FBXO5: variants seen among roughly 807,000 people sequenced by gnomAD.
The protein encoded by FBXO5 is F-box protein 5, also known as F-box only protein 5.
In FBXO5, 8 loss-of-function variants were observed where a neutral mutation model predicts 43.3. That is an observed-to-expected ratio of 0.18 (90% CI 0.11 to 0.33). The LOEUF (loss-of-function observed/expected upper bound fraction) is 0.33, where lower values mean the gene tolerates loss of function less well. FBXO5 is among the 10% of genes least tolerant of loss of function. The pLI is 1.00. For missense variants in FBXO5, 491 were observed against 535.7 expected (o/e 0.92, Z 0.82); for synonymous variants, 204 against 193.7 (o/e 1.05, Z -0.44).
intron 2 of FBXO5, 91 bp from the exon 3 acceptor site, chr6:152,973,227 A>G: frequency 1.0e-6 from 1 of 981,480 alleles, no homozygotes; most frequent in Non-Finnish European, 1.6e-6. Flanking sequence ...GTGCAAAAAG[A>G]TATTTTATAT....
rs777587251 is a variant in FBXO5, at chr6:152,975,248, A to G, written c.477T>C (p.His159=). 1.2e-6 allele frequency: 2 copies of G among 1,613,996 alleles called. No individual in the cohort carries two copies. Among genetic ancestry groups the G allele is most frequent in the East Asian group, 2.2e-5 (1 of 44,888 alleles). ...TCTCCTCCAGGAGGCTACCTTCTTC[A>G]TGTTCACTGAGGCCACTTTGTAGAG... ...SFSLQSGLSE[H]EEGSLLEENF... Residue 159 remains histidine (H), a synonymous_variant, in exon 2 of 5, where the codon CAT becomes CAC. Transcript: ENST00000229758.
chr6:152,980,958 T>G (rs1778249966), intron 1 of FBXO5, among the ~76,000 whole-genome samples: 1 of 152,218 alleles, frequency 6.6e-6, no homozygotes. Flanking sequence ...CAATCTATTT[T>G]TAATCACATA....
chr6:152,971,217 T>G lies in FBXO5; in HGVS notation c.1290A>C (p.Lys430Asn). The change falls in exon 5 of 5, where the codon AAA (lysine) becomes AAC (asparagine). Residue 430 changes from lysine to asparagine, a missense_variant. Lys to Asn is a moderately conservative substitution (Grantham distance 94). Coordinates refer to ENST00000229758, the MANE Select transcript of FBXO5 (RefSeq NM_012177.5). ...TCTTTGTACCAGGCAGGGGACCTAT[T>G]TTACAACTGGCTTTGAGGAGCTTGC... ...SDGKLLKASC[K>N]IGPLPGTKKS... 6.2e-7 allele frequency: 1 copy of G among 1,613,896 alleles called. No homozygotes were observed. The highest frequency in any genetic ancestry group is 8.5e-7 in the Non-Finnish European group (1 of 1,179,902).
chr6:152,978,904 T>C (rs1778218297), intron 1 of FBXO5, among the ~76,000 whole-genome samples: 1 of 151,762 alleles, frequency 6.6e-6, no homozygotes, highest in African/African-American at 2.4e-5. Flanking sequence ...GGCGGGAGAA[T>C]TGCTTGAGCC....
At chr6:152,980,479 A>G (rs2207609) in intron 1 of FBXO5, among the ~76,000 whole-genome samples, 57,707 of 151,884 alleles carry the variant, frequency 0.38, 11,047 homozygotes, top group Admixed American at 0.4. Flanking sequence ...TAGTTGAAGA[A>G]GTAGAATGAT....
intron 1 of FBXO5, among the ~76,000 whole-genome samples, chr6:152,980,516 CA>C (rs1778244600): frequency 6.6e-6 from 1 of 151,994 alleles, no homozygotes; most frequent in Non-Finnish European, 1.5e-5. Flanking sequence ...TAGGCTGGGT[CA>C]AAAGTGGAGA....
At chr6:152,977,348 T>C (rs1778184661) in intron 1 of FBXO5, among the ~76,000 whole-genome samples, 1 of 152,226 alleles carries the variant, frequency 6.6e-6, no homozygotes, top group Non-Finnish European at 1.5e-5. Context: ...ATATTGGTAA[T>C]GCGTTCATAT....
Position 152,971,119 on chromosome 6 carries a change from TCTAA to T in FBXO5, c.*40_*43del. 1.3e-6 allele frequency: 2 copies of T among 1,534,972 alleles called. No individual in the cohort carries two copies. The highest frequency in any genetic ancestry group is 1.3e-5 in the South Asian group (1 of 79,142). ...TTTTTTAAGTTAAAACCTAACATTT[TCTAA>T]CTAACATTCATGATCAGTAACAATT... On this transcript the variant is annotated 3_prime_UTR_variant, in exon 5 of 5. Coordinates refer to ENST00000229758, the MANE Select transcript of FBXO5 (RefSeq NM_012177.5).
chr6:152,976,251 CTA>C (rs1251804188), intron 1 of FBXO5, among the ~76,000 whole-genome samples: 1 of 152,114 alleles, frequency 6.6e-6, no homozygotes, highest in Non-Finnish European at 1.5e-5. Flanking sequence ...CTTAAAATAA[CTA>C]TTCAAGAAAT....
chr6:152,972,542 G>A, intron 3 of FBXO5, 88 bp from the exon 4 acceptor site: 1 of 949,408 alleles, frequency 1.1e-6, no homozygotes, highest in Non-Finnish European at 1.5e-6. Flanking sequence ...TATAAGAAAT[G>A]ACAAACAAGA....
intron 1 of FBXO5, among the ~76,000 whole-genome samples, chr6:152,980,043 T>C (rs1431179935): frequency 6.6e-6 from 1 of 152,240 alleles, no homozygotes; most frequent in African/African-American, 2.4e-5. Flanking sequence ...TCATATTTTA[T>C]AAAAATGGAA....
At chr6:152,974,742 A>G (rs1370982187) in intron 2 of FBXO5, among the ~76,000 whole-genome samples, 165 bp downstream of exon 2, 5 of 152,216 alleles carry the variant, frequency 3.3e-5, no homozygotes, top group African/African-American at 9.6e-5. Context: ...GTATAATACA[A>G]ATATTCCAAA....
In FBXO5 at chr6:152,972,987, T is replaced by C. The variant is rs942757381; in HGVS notation, c.909+59A>G. 7.2e-5 allele frequency: 98 copies of C among 1,368,700 alleles called. No individual in the cohort carries two copies. In the Middle Eastern group the frequency reaches 2.6e-3, roughly 36 times the overall value. The allele number at this position is 1,368,700 out of a possible 1,614,324, so 84.8% of individuals were successfully genotyped here. ...TCCAGATTACCTCTTTTCTTTTCTATTTCTAGAAGAGCACTAACAGTGCAT... is the reference window on the plus strand; with the variant it reads ...TCCAGATTACCTCTTTTCTTTTCTACTTCTAGAAGAGCACTAACAGTGCAT... On this transcript the variant is annotated intron_variant, in intron 3 of 4. Coordinates refer to ENST00000229758, the MANE Select transcript of FBXO5 (RefSeq NM_012177.5).
intron 1 of FBXO5, 34 bp downstream of exon 1, chr6:152,982,823 G>A: frequency 7.0e-7 from 1 of 1,422,776 alleles, no homozygotes; most frequent in Non-Finnish European, 9.3e-7. Context: ...CTCCTGGCGT[G>A]CGCGCCCCCC....
chr6:152,983,093 A>T (rs1778292282), upstream of FBXO5: 1 of 495,984 alleles, frequency 2.0e-6, no homozygotes, highest in Non-Finnish European at 3.4e-6. Context: ...TTGGTGCCTA[A>T]ATCCGCGCGG....
At chr6:152,976,979 T>C (rs537223833) in intron 1 of FBXO5, among the ~76,000 whole-genome samples, 3 of 152,294 alleles carry the variant, frequency 2.0e-5, no homozygotes, top group African/African-American at 2.4e-5. Flanking sequence ...TGCCAAATAC[T>C]GGGCAGGGAA....
chr6:152,977,658 T>C (rs1460252453), intron 1 of FBXO5, among the ~76,000 whole-genome samples: 1 of 152,212 alleles, frequency 6.6e-6, no homozygotes, highest in East Asian at 1.9e-4. Flanking sequence ...ATTGCCTCTA[T>C]TTTTGCCTCA....
intron 3 of FBXO5, chr6:152,972,819 T>G: frequency 2.1e-6 from 1 of 479,966 alleles, no homozygotes. Flanking sequence ...GAGAAATGAG[T>G]AATTTTCCCT....
In FBXO5 at chr6:152,971,027, C is replaced by CT. The variant is rs1778077286; in HGVS notation, c.*135dup. On this transcript the variant is annotated 3_prime_UTR_variant, in exon 5 of 5. Coordinates refer to ENST00000229758, the MANE Select transcript of FBXO5 (RefSeq NM_012177.5). ...AGAGGTTGTCTATCCTCTTTATCTTCTGGGGGGAAAAAAACCTCAGGATAC... is the reference window on the plus strand; with the variant it reads ...AGAGGTTGTCTATCCTCTTTATCTTCTTGGGGGGAAAAAAACCTCAGGATAC... 1 of 757,598 alleles carries CT rather than the reference C, an allele frequency of 1.3e-6. No homozygotes were observed. 46.9% of individuals were successfully genotyped at this position (757,598 alleles called of 1,614,324 possible). A position where few individuals can be genotyped will look rare whatever the true frequency, so the allele number is the denominator to read the frequency against.
Sources: allele counts gnomAD v4.1 joint callset (sites outside exome capture counted in the v4.1 genomes callset), GRCh38; gene constraint gnomAD v4.1.1; transcripts MANE v1.5; gene names NCBI Gene and HGNC (gene_info 2026-07-23, HGNC 2026-07-21).